Variants in ZNF331 observed in about 807,000 individuals in gnomAD.
ZNF331 encodes the protein zinc finger protein 331, also known as C2H2-like zinc finger protein rearranged in thyroid adenomas.
A neutral mutation model predicts 7.0 loss-of-function variants in ZNF331; 2 were observed. The observed-to-expected ratio is 0.29, with a 90% CI of 0.12 to 0.90. The LOEUF is 0.90. Ranked by LOEUF, ZNF331 falls within the 40% of genes least tolerant of loss-of-function variation. The pLI is 0.58. For synonymous variants in ZNF331, 196 were observed against 205.4 expected (o/e 0.95, Z 0.39); for missense variants, 432 against 587.7 (o/e 0.74, Z 2.74).
At chr19:53,549,622 G>T (rs867438960) in intron 2 of ZNF331, among the ~76,000 whole-genome samples, 30 of 150,864 alleles carry the variant, frequency 2.0e-4, no homozygotes, top group African/African-American at 6.8e-4. Context: ...GAAACATCTT[G>T]TGCAATTCTT....
At chr19:53,567,494 C>T (rs962389144) in intron 3 of ZNF331, among the ~76,000 whole-genome samples, 6 of 152,054 alleles carry the variant, frequency 3.9e-5, no homozygotes, top group Admixed American at 2.6e-4. Flanking sequence ...AGAAGACCAC[C>T]CTCACTTCTG....
chr19:53,575,457 C>T (rs2147703652), intron 5 of ZNF331, among the ~76,000 whole-genome samples: 1 of 130,326 alleles, frequency 7.7e-6, no homozygotes, highest in African/African-American at 2.8e-5. Context: ...CGTAAATTAT[C>T]TTTTTTGTTG....
intron 3 of ZNF331, among the ~76,000 whole-genome samples, chr19:53,564,814 G>A (rs1041032354): frequency 1.3e-5 from 2 of 152,124 alleles, no homozygotes; most frequent in African/African-American, 2.4e-5. Context: ...ATATTTTACT[G>A]TTATTTTGCA....
chr19:53,575,499 CTTTTTTTTTT>C lies in ZNF331; in HGVS notation c.137-1185_137-1176del, dbSNP rs34296898. Among the ~76,000 whole-genome samples, 62 of 75,870 alleles carry C rather than the reference CTTTTTTTTTT, an allele frequency of 8.2e-4. 1 individual carries two copies. Among genetic ancestry groups the C allele is most frequent in the Non-Finnish European group, 2.7e-4 (11 of 40,740 alleles). The allele number at this position is 75,870 out of a possible 152,430, so 49.8% of individuals were successfully genotyped here. Reference sequence around the variant, plus strand: ...AATGTTGTATTCTTTTACCCAGTTGCTTTTTTTTTTTTTTTTTTTTTTGAGACGGAGTCTT... The same window carrying C: ...AATGTTGTATTCTTTTACCCAGTTGCTTTTTTTTTTTTGAGACGGAGTCTT... On this transcript the variant is annotated intron_variant, in intron 5 of 5. Coordinates refer to ENST00000449416, the MANE Select transcript of ZNF331 (RefSeq NM_001079906.2).
At chr19:53,508,853 GT>G in the ZNF331 span, among the ~76,000 whole-genome samples, 1 of 152,200 alleles carries the variant, frequency 6.6e-6, no homozygotes, top group Non-Finnish European at 1.5e-5. Context: ...CTTGGAGACA[GT>G]AGGGGATCAT....
At chr19:53,570,779 G>T (rs1435498499) in intron 4 of ZNF331, among the ~76,000 whole-genome samples, 1 of 151,910 alleles carries the variant, frequency 6.6e-6, no homozygotes, top group Non-Finnish European at 1.5e-5. Context: ...TGATCCGCCT[G>T]CCTCAGCCTC....
At chr19:53,508,071 T>C in the ZNF331 span, among the ~76,000 whole-genome samples, 2 of 152,178 alleles carry the variant, frequency 1.3e-5, no homozygotes, top group Non-Finnish European at 2.9e-5. Flanking sequence ...CAGCTGCTGA[T>C]CTAACAGTTG....
chr19:53,556,297 C>T (rs899862109), intron 3 of ZNF331, among the ~76,000 whole-genome samples: 3 of 150,496 alleles, frequency 2.0e-5, no homozygotes, highest in Admixed American at 6.6e-5. Flanking sequence ...TTGTAAATAT[C>T]CTATCCAAGA....
At chr19:53,549,094 C>T (rs982701508) in intron 2 of ZNF331, among the ~76,000 whole-genome samples, 1 of 152,072 alleles carries the variant, frequency 6.6e-6, no homozygotes, top group Non-Finnish European at 1.5e-5. Context: ...GGTGAGCCAC[C>T]GCACCTGGCC....
In ZNF331 at chr19:53,579,087, C is replaced by T; in HGVS notation, c.*1135C>T. On this transcript the variant is annotated 3_prime_UTR_variant, in exon 6 of 6. Coordinates refer to ENST00000449416, the MANE Select transcript of ZNF331 (RefSeq NM_001079906.2). ...GTGCTAGGATTACAGGCGTGAGCCA[C>T]TGCACCTAGCCCACTGATCACTCTT... 5.1e-6 allele frequency: 1 copy of T among 194,404 alleles called. No individual in the cohort carries two copies. The highest frequency in any genetic ancestry group is 1.1e-5 in the Non-Finnish European group (1 of 93,340). 12.0% of individuals were successfully genotyped at this position (194,404 alleles called of 1,614,324 possible). A position where few individuals can be genotyped will look rare whatever the true frequency, so the allele number is the denominator to read the frequency against.
chr19:53,529,343 T>C (rs2087437684), intron 2 of ZNF331, among the ~76,000 whole-genome samples: 2 of 149,662 alleles, frequency 1.3e-5, no homozygotes, highest in Non-Finnish European at 3.0e-5. Context: ...GAGCTTGCAG[T>C]GAGCCGAGAT....
chr19:53,545,899 G>C (rs1425603111), intron 2 of ZNF331, among the ~76,000 whole-genome samples: 2 of 152,074 alleles, frequency 1.3e-5, no homozygotes, highest in Admixed American at 1.3e-4. Context: ...TGACTAACTT[G>C]GTAGGTGAGT....
chr19:53,518,294 G>T (rs1177155427), upstream of ZNF331, among the ~76,000 whole-genome samples: 1 of 152,154 alleles, frequency 6.6e-6, no homozygotes, highest in Admixed American at 6.5e-5. Flanking sequence ...CTGGTGGTTT[G>T]CCGGGGGCCC....
chr19:53,577,328 T>C lies in ZNF331; in HGVS notation c.768T>C (p.Tyr256=). The change falls in exon 6 of 6, where the codon TAT becomes TAC. Residue 256 remains tyrosine, a synonymous_variant. Transcript: ENST00000449416. ...GTGGGAAGACCTTTAGCCGTGTGTA[T>C]AAACTTATTCAGCACAAGAGAATTC... ...KDCGKTFSRV[Y]KLIQHKRIHS... is the part of the protein sequence containing the mutation. 10 of 1,613,574 alleles carry C rather than the reference T, an allele frequency of 6.2e-6. No individual in the cohort carries two copies. The highest frequency in any genetic ancestry group is 8.5e-6 in the Non-Finnish European group (10 of 1,179,912).
At chr19:53,568,243 CAAA>C (rs543201090) in intron 3 of ZNF331, among the ~76,000 whole-genome samples, 4 of 92,608 alleles carry the variant, frequency 4.3e-5, no homozygotes, top group Admixed American at 1.2e-4. Flanking sequence ...AGACTCCGTT[CAAA>C]AAAAAAAAAA....
the ZNF331 span, chr19:53,503,683 CA>C: frequency 1.4e-6 from 1 of 705,078 alleles, no homozygotes; most frequent in South Asian, 1.5e-5. Flanking sequence ...CCATTGGCAG[CA>C]CCTGCCTCCT....
chr19:53,564,787 T>C (rs1260071775), intron 3 of ZNF331, among the ~76,000 whole-genome samples: 1 of 152,216 alleles, frequency 6.6e-6, no homozygotes, highest in Non-Finnish European at 1.5e-5. Flanking sequence ...CCATGGGTTG[T>C]TATTGTCCTG....
upstream of ZNF331, chr19:53,537,978 G>T (rs889874964): frequency 1.3e-5 from 2 of 152,252 alleles, no homozygotes; most frequent in Non-Finnish European, 2.9e-5. Flanking sequence ...TGTATCGGGG[G>T]TCTGTGTACG....
At chr19:53,533,350 G>C (rs924064665), upstream of ZNF331, among the ~76,000 whole-genome samples, 1 of 152,126 alleles carries the variant, frequency 6.6e-6, no homozygotes, top group African/African-American at 2.4e-5. Context: ...TGGTTGAAAA[G>C]ATGCTTGATA....
Sources: gnomAD v4.1 joint callset for allele counts (sites outside exome capture counted in the v4.1 genomes callset) on GRCh38, gnomAD v4.1.1 for gene constraint, MANE v1.5 for transcripts, NCBI Gene and HGNC (gene_info 2026-07-23, HGNC 2026-07-21) for gene names.